The following TMEM87B variants were observed in gnomAD, a reference collection of about 807,000 sequenced individuals.
TMEM87B encodes transmembrane protein 87B.
Under a neutral mutation model 80.3 loss-of-function variants are expected in TMEM87B, and 83 were observed. The observed-to-expected ratio is 1.03, with a 90% CI of 0.87 to 1.24. The LOEUF (loss-of-function observed/expected upper bound fraction) is 1.24. Ranked by LOEUF, TMEM87B falls within the 50% of genes most tolerant of loss-of-function variation. The pLI is 0.00. For synonymous variants in TMEM87B, 219 were observed against 230.5 expected (o/e 0.95, Z 0.45); for missense variants, 625 against 674.4 (o/e 0.93, Z 0.81).
chr2:112,101,801 TAGAG>T (rs1367130927), intron 15 of TMEM87B, among the ~76,000 whole-genome samples: 3 of 152,134 alleles, frequency 2.0e-5, no homozygotes, highest in Admixed American at 1.3e-4. Context: ...TTGGAAATGA[TAGAG>T]AGGACATTAC....
chr2:112,064,322 C>T (rs907657994), intron 3 of TMEM87B, 69 bp downstream of exon 3: 3 of 1,304,962 alleles, frequency 2.3e-6, no homozygotes, highest in South Asian at 1.2e-5. Flanking sequence ...AAGATTAGCT[C>T]ATCAAGCGAG....
chr2:112,091,868 T>C, intron 11 of TMEM87B, 85 bp downstream of exon 11: 1 of 1,098,182 alleles, frequency 9.1e-7, no homozygotes, highest in South Asian at 1.4e-5. Flanking sequence ...TAGAAAGAAA[T>C]ACAGTTATGC....
chr2:112,082,238 G>C (rs1679020390), intron 8 of TMEM87B, among the ~76,000 whole-genome samples: 1 of 152,190 alleles, frequency 6.6e-6, no homozygotes. Flanking sequence ...TCTTGGTGCA[G>C]ATCTTCAAAG....
intron 14 of TMEM87B, among the ~76,000 whole-genome samples, chr2:112,100,328 A>G (rs1679595897): frequency 6.6e-6 from 1 of 152,210 alleles, no homozygotes; most frequent in Admixed American, 6.5e-5. Flanking sequence ...TAAACCTGAC[A>G]TGGAGAAAGA....
intron 11 of TMEM87B, among the ~76,000 whole-genome samples, chr2:112,094,399 G>A (rs1285894723): frequency 6.6e-6 from 1 of 152,106 alleles, no homozygotes; most frequent in African/African-American, 2.4e-5. Flanking sequence ...TTTATCTTGT[G>A]ATCTTCCTGC....
chr2:112,080,927 A>G (rs1678976894), intron 6 of TMEM87B, 130 bp from the exon 7 acceptor site: 2 of 726,026 alleles, frequency 2.8e-6, no homozygotes, highest in Non-Finnish European at 4.7e-6. Flanking sequence ...GTCCAATACC[A>G]TGTATGTGCT....
Position 112,068,656 on chromosome 2 carries a change from A to G in TMEM87B, c.450+1589A>G, listed in dbSNP as rs1365371882. 1.1e-4 allele frequency among the ~76,000 whole-genome samples: 17 copies of G among 152,010 alleles called. No homozygotes were observed. In the East Asian group the frequency reaches 3.3e-3, roughly 30 times the overall value. ...GAGGTGGAGCTTGCAGTGAGCCGAG[A>G]TCATGCCGCTGCACTCCAGCCTGGG... On this transcript the variant is annotated intron_variant, in intron 4 of 18. Transcript: ENST00000283206.
intron 4 of TMEM87B, 82 bp from the exon 5 acceptor site, chr2:112,074,826 TCTAA>T (rs1678759536): frequency 7.2e-7 from 1 of 1,380,094 alleles, no homozygotes; most frequent in Non-Finnish European, 9.6e-7. Context: ...TCATTTTTCT[TCTAA>T]CTTTTTTTCT....
chr2:112,067,102 T>C, intron 4 of TMEM87B, 35 bp downstream of exon 4: 1 of 1,603,106 alleles, frequency 6.2e-7, no homozygotes, highest in Non-Finnish European at 8.5e-7. Flanking sequence ...AAGTTTATTT[T>C]ATTCCCAGTG....
intron 10 of TMEM87B, among the ~76,000 whole-genome samples, chr2:112,090,564 C>T (rs1474173115): frequency 6.6e-6 from 1 of 151,920 alleles, no homozygotes; most frequent in Non-Finnish European, 1.5e-5. Context: ...GTAGCTGGGA[C>T]TACAGGTGCA....
chr2:112,069,043 T>A (rs995546511), intron 4 of TMEM87B, among the ~76,000 whole-genome samples: 31 of 150,734 alleles, frequency 2.1e-4, no homozygotes, highest in Non-Finnish European at 1.5e-5. Context: ...ATACAAAAAA[T>A]TAGCCGGGCG....
chr2:112,056,538 A>C (rs1678069573), intron 1 of TMEM87B, among the ~76,000 whole-genome samples: 1 of 152,202 alleles, frequency 6.6e-6, no homozygotes, highest in South Asian at 2.1e-4. Flanking sequence ...AAAGAGAGAC[A>C]GGAAGTCTGG....
At position 112,060,009 on chromosome 2, in the gene TMEM87B, G is replaced by T; in HGVS notation, c.198G>T (p.Met66Ile). ...GACCTTTGATATTTAGGAAAACTAT[G>T]TTTAACTCTACAGATATCAAGTTAT... ...KSGPLIFRKT[M>I]FNSTDIKLSV... The change falls in exon 2 of 19, where the codon ATG becomes ATT. Residue 66 changes from methionine (M) to isoleucine (I), a missense_variant. Transcript: ENST00000283206. 2.5e-6 allele frequency: 4 copies of T among 1,592,808 alleles called. No homozygotes were observed. The highest frequency in any genetic ancestry group is 3.4e-6 in the Non-Finnish European group (4 of 1,166,158).
At chr2:112,102,315 A>G (rs571903031) in intron 15 of TMEM87B, among the ~76,000 whole-genome samples, 29 of 152,334 alleles carry the variant, frequency 1.9e-4, no homozygotes, top group Non-Finnish European at 3.8e-4. Context: ...TAGAAAGACA[A>G]TCATGATCAA....
In TMEM87B at chr2:112,109,759, C is replaced by CTT. The variant is rs35553826; in HGVS notation, c.1577+1938_1577+1939dup. The stretch of plus-strand genomic sequence containing the variant: ...GGTCATTTTCCAGTGCCTTCAGCTA[C>CTT]TTTTTTTTTTTTTTTTTTTTGAGAC... On this transcript the variant is annotated intron_variant, in intron 17 of 18. Transcript: ENST00000283206. Among the ~76,000 whole-genome samples the CTT allele has an allele frequency of 7.2e-3, 614 of 84,952 alleles. 32 individuals are homozygous for CTT. Among genetic ancestry groups the CTT allele is most frequent in the African/African-American group, 0.029 (556 of 19,174 alleles). 55.7% of individuals were successfully genotyped at this position (84,952 alleles called of 152,430 possible). A position where few individuals can be genotyped will look rare whatever the true frequency, so the allele number is the denominator to read the frequency against.
chr2:112,062,192 C>T (rs1002809042), intron 2 of TMEM87B, among the ~76,000 whole-genome samples: 6 of 152,190 alleles, frequency 3.9e-5, no homozygotes, highest in African/African-American at 1.4e-4. Context: ...TTTCACAGAG[C>T]CAGATTTTAG....
At chr2:112,064,463 T>C (rs1009132814) in intron 3 of TMEM87B, among the ~76,000 whole-genome samples, 2 of 152,230 alleles carry the variant, frequency 1.3e-5, no homozygotes, top group Admixed American at 6.5e-5. Context: ...AAAATGTTAG[T>C]AAATGTTTAA....
intron 9 of TMEM87B, 81 bp downstream of exon 9, chr2:112,086,185 G>T (rs1679141203): frequency 9.2e-7 from 1 of 1,092,156 alleles, no homozygotes; most frequent in East Asian, 2.5e-5. Context: ...TGTGAAAATG[G>T]AACTTCTAAG....
chr2:112,056,083 C>G (rs1034213908), intron 1 of TMEM87B, among the ~76,000 whole-genome samples: 3 of 152,148 alleles, frequency 2.0e-5, no homozygotes, highest in South Asian at 2.1e-4. Context: ...TCAGGAATCT[C>G]TCGGCACATC....
Sources: allele counts gnomAD v4.1 joint callset (sites outside exome capture counted in the v4.1 genomes callset), GRCh38; gene constraint gnomAD v4.1.1; transcripts MANE v1.5; gene names NCBI Gene and HGNC (gene_info 2026-07-23, HGNC 2026-07-21).